The following RTKN2 variants were observed in gnomAD, a reference collection of about 807,000 sequenced individuals.
RTKN2 encodes rhotekin 2.
A neutral mutation model predicts 71.5 loss-of-function variants in RTKN2; 69 were observed. The ratio of observed to expected loss-of-function variants is 0.96; its 90% confidence interval spans 0.79 to 1.18. The LOEUF (loss-of-function observed/expected upper bound fraction) is 1.18, where lower values mean the gene tolerates loss of function less well. RTKN2 is among the 50% of genes most tolerant of loss of function. The pLI, the probability that RTKN2 is intolerant of heterozygous loss-of-function variation, is 0.00. For synonymous variants in RTKN2, 236 were observed against 236.5 expected, an observed-to-expected ratio of 1.00 and a Z score of 0.02; for missense variants, 724 against 719.7, an observed-to-expected ratio of 1.01 and a Z score of -0.07.
At chr10:62,265,603 T>G (rs1842855793) in intron 1 of RTKN2, among the ~76,000 whole-genome samples, 1 of 150,938 alleles carries the variant, frequency 6.6e-6, no homozygotes, top group South Asian at 2.1e-4. Context: ...AAGGCTACTG[T>G]TTTAGCCAGT....
At chr10:62,258,749 G>A (rs1340778568) in intron 2 of RTKN2, among the ~76,000 whole-genome samples, 5 of 152,022 alleles carry the variant, frequency 3.3e-5, no homozygotes, top group Non-Finnish European at 5.9e-5. Flanking sequence ...ATGTGTATAT[G>A]TAACATAAAA....
downstream of RTKN2, among the ~76,000 whole-genome samples, chr10:62,189,428 C>T (rs1321083358): frequency 6.6e-6 from 1 of 152,208 alleles, no homozygotes; most frequent in African/African-American, 2.4e-5. Flanking sequence ...AGGAGAGGAA[C>T]AGACTGTATT....
chr10:62,188,402 C>G (rs117400091), downstream of RTKN2, among the ~76,000 whole-genome samples: 1 of 152,166 alleles, frequency 6.6e-6, no homozygotes, highest in Non-Finnish European at 1.5e-5. Flanking sequence ...GACCTAGCCT[C>G]ATGTGTCACA....
chr10:62,209,070 G>C (rs1841605636), intron 9 of RTKN2, among the ~76,000 whole-genome samples: 1 of 152,304 alleles, frequency 6.6e-6, no homozygotes, highest in South Asian at 2.1e-4. Flanking sequence ...GGGAGTTCGA[G>C]ACCAGCCTAA....
Position 62,194,874 on chromosome 10 carries a change from G to A in RTKN2, c.*3034C>T. 1.0e-6 allele frequency: 1 copy of A among 984,704 alleles called. No individual in the cohort carries two copies. The highest frequency in any genetic ancestry group is 1.2e-6 in the Non-Finnish European group (1 of 829,330). The allele number at this position is 984,704 out of a possible 1,614,324, so 61.0% of individuals were successfully genotyped here. On this transcript the variant is annotated 3_prime_UTR_variant, in exon 12 of 12. Transcript: ENST00000373789. ...TAAAGATAAGGCATTTATAATAAAT[G>A]GATTTAGTTTTCCACATATATTCAC... is the stretch of plus-strand genomic sequence containing the variant.
In RTKN2 at chr10:62,193,663, T is replaced by A. The variant is rs1206524436; in HGVS notation, c.*4245A>T. ...TGCAGGAATAAAGTACTGAGGGAGG[T>A]ACATTAAAATAAGGAGACTCCTTGT... is the stretch of plus-strand genomic sequence containing the variant. On this transcript the variant is annotated 3_prime_UTR_variant, in exon 12 of 12. Transcript: ENST00000373789. The A allele has an allele frequency of 5.1e-6, 5 of 984,864 alleles. No individual in the cohort carries two copies. In the East Asian group the frequency reaches 3.4e-4, roughly 67 times the overall value. 61.0% of individuals were successfully genotyped at this position (984,864 alleles called of 1,614,324 possible).
rs896024752 is a variant in RTKN2 at position 62,255,633 on chromosome 10, G to A, written c.257+6992C>T. On this transcript the variant is annotated intron_variant, in intron 2 of 11. Coordinates refer to ENST00000373789, the MANE Select transcript of RTKN2 (RefSeq NM_145307.4). ...ATTGATTTAGGGAAGAATCATAAAT[G>A]GATGATAAAGCCATTAAGTTAAAGC... Among the ~76,000 whole-genome samples, 12 of 152,264 alleles carry A rather than the reference G, an allele frequency of 7.9e-5. No individual in the cohort carries two copies. The East Asian group carries it at 2.3e-3, about 29-fold the overall frequency.
downstream of RTKN2, among the ~76,000 whole-genome samples, chr10:62,190,652 T>C (rs1243370279): frequency 1.3e-5 from 2 of 152,070 alleles, no homozygotes; most frequent in Non-Finnish European, 2.9e-5. Context: ...CTCACCTGTT[T>C]AATGTTAATA....
downstream of RTKN2, among the ~76,000 whole-genome samples, chr10:62,191,057 C>T (rs1841215537): frequency 6.6e-6 from 1 of 152,124 alleles, no homozygotes; most frequent in African/African-American, 2.4e-5. Context: ...TTTACTCATC[C>T]CTTCTAGATT....
At chr10:62,206,268 T>C (rs1841547260) in intron 9 of RTKN2, among the ~76,000 whole-genome samples, 1 of 152,154 alleles carries the variant, frequency 6.6e-6, no homozygotes, top group Admixed American at 6.6e-5. Context: ...ATATTTTGGC[T>C]GGTAGTAATA....
chr10:62,249,087 A>G (rs1391617578), intron 2 of RTKN2, among the ~76,000 whole-genome samples: 1 of 152,200 alleles, frequency 6.6e-6, no homozygotes, highest in South Asian at 2.1e-4. Flanking sequence ...TTTAAATACA[A>G]GTTTTATTAT....
rs542936372 is a variant in RTKN2 at position 62,198,192 on chromosome 10, A to C, written c.1546T>G (p.Leu516Val). 6.2e-7 allele frequency: 1 copy of C among 1,614,106 alleles called. No individual in the cohort carries two copies. The highest frequency in any genetic ancestry group is 1.1e-5 in the South Asian group (1 of 91,082). Residue 516 changes from leucine (L) to valine (V), a missense_variant, in exon 12 of 12, where the codon TTA (leucine) becomes GTA (valine). By Grantham distance (32) the Leu-to-Val change is conservative. Coordinates refer to ENST00000373789, the MANE Select transcript of RTKN2 (RefSeq NM_145307.4). ...TGATCTGTGTTACTCTGTGATTTTA[A>C]GCTGAATGGAAGTTTATCAGAAGGA... ...LPPSDKLPFS[L>V]KSQSNTDQLV...
At chr10:62,219,355 C>A (rs1841854465) in intron 7 of RTKN2, among the ~76,000 whole-genome samples, 1 of 151,992 alleles carries the variant, frequency 6.6e-6, no homozygotes, top group African/African-American at 2.4e-5. Context: ...ACATTAGAGC[C>A]CAATGAATGA....
At chr10:62,234,502 A>AAAAAAAAAG (rs1554812533) in intron 6 of RTKN2, among the ~76,000 whole-genome samples, 4 of 151,578 alleles carry the variant, frequency 2.6e-5, no homozygotes, top group Non-Finnish European at 4.4e-5. Flanking sequence ...CTTAAAAAAA[A>AAAAAAAAAG]AAAAAGAAAA....
rs1180670770 is a variant in RTKN2 at position 62,268,618 on chromosome 10, G to A, written c.-8C>T. 3.2e-6 allele frequency: 5 copies of A among 1,559,702 alleles called. No individual in the cohort carries two copies. In the East Asian group the frequency reaches 1.2e-4, roughly 37 times the overall value. ...CAGGCTCGGCCCCTCCATCTCCAACGCGAACTGTCCGGGCCGTCGCCACTC... is the reference window on the plus strand; with the variant it reads ...CAGGCTCGGCCCCTCCATCTCCAACACGAACTGTCCGGGCCGTCGCCACTC... On this transcript the variant is annotated 5_prime_UTR_variant, in exon 1 of 12. Coordinates refer to ENST00000373789, the MANE Select transcript of RTKN2 (RefSeq NM_145307.4).
intron 1 of RTKN2, among the ~76,000 whole-genome samples, chr10:62,264,884 G>A (rs1236642543): frequency 2.6e-5 from 4 of 151,706 alleles, no homozygotes; most frequent in Non-Finnish European, 5.9e-5. Context: ...GGTCAGCTAG[G>A]GTAGAGAAGC....
At chr10:62,188,161 G>A (rs1395488810), downstream of RTKN2, among the ~76,000 whole-genome samples, 2 of 152,156 alleles carry the variant, frequency 1.3e-5, no homozygotes, top group Non-Finnish European at 2.9e-5. Flanking sequence ...ATTTAGGAGC[G>A]GCTTAGCCAT....
At chr10:62,221,135 C>CA (rs1841896425) in intron 7 of RTKN2, among the ~76,000 whole-genome samples, 2 of 49,436 alleles carry the variant, frequency 4.0e-5, no homozygotes, top group Non-Finnish European at 3.9e-5. Flanking sequence ...TAAATAAGTA[C>CA]TAAAAAAAAA....
intron 8 of RTKN2, among the ~76,000 whole-genome samples, chr10:62,184,542 G>C (rs1485144279): frequency 1.3e-5 from 2 of 152,132 alleles, no homozygotes; most frequent in African/African-American, 2.4e-5. Flanking sequence ...GCCTTTCTTA[G>C]AACTGGAACT....
Sources: gnomAD v4.1 joint callset for allele counts (sites outside exome capture counted in the v4.1 genomes callset) on GRCh38, gnomAD v4.1.1 for gene constraint, MANE v1.5 for transcripts, NCBI Gene and HGNC (gene_info 2026-07-23, HGNC 2026-07-21) for gene names.